Variants in SLC15A5 observed in about 807,000 individuals in gnomAD.
SLC15A5 encodes Peptide/histidine transporter ENSP00000340402.
A neutral mutation model predicts 56.1 loss-of-function variants in SLC15A5; 58 were observed. That is an observed-to-expected ratio of 1.03 (90% CI 0.84 to 1.29). SLC15A5 has a LOEUF of 1.29. SLC15A5 is among the 50% of genes most tolerant of loss of function. SLC15A5 has a pLI of 0.00. For missense variants in SLC15A5, 681 were observed against 672.1 expected (o/e 1.01, Z -0.15); for synonymous variants, 264 against 250.5 (o/e 1.05, Z -0.51).
rs533701143 is a variant in SLC15A5 at position 16,248,860 on chromosome 12, T to C, written c.755-4060A>G. On this transcript the variant is annotated intron_variant, in intron 3 of 8. Coordinates refer to ENST00000344941, the MANE Select transcript of SLC15A5 (RefSeq NM_001170798.1). ...CTGAAATGAAAAATTCAACTGAGAC[T>C]TCAAGCTCTGGTTTAAATGTGCATG... Among the ~76,000 whole-genome samples, 7 of 152,230 alleles carry C rather than the reference T, an allele frequency of 4.6e-5. No homozygotes were observed. The South Asian group carries it at 1.4e-3, about 32-fold the overall frequency.
At chr12:16,246,913 G>GT (rs1217829452) in intron 3 of SLC15A5, among the ~76,000 whole-genome samples, 5 of 151,962 alleles carry the variant, frequency 3.3e-5, no homozygotes, top group South Asian at 2.1e-4. Flanking sequence ...TTAAAAATGA[G>GT]TTTTTAAAAA....
chr12:16,210,766 C>A (rs577093499), intron 7 of SLC15A5, among the ~76,000 whole-genome samples: 1 of 152,182 alleles, frequency 6.6e-6, no homozygotes, highest in Non-Finnish European at 1.5e-5. Flanking sequence ...TTCTACCTCT[C>A]GTGAGCCAAT....
chr12:16,250,944 A>C (rs1483674291), intron 3 of SLC15A5, among the ~76,000 whole-genome samples: 1 of 152,030 alleles, frequency 6.6e-6, no homozygotes, highest in East Asian at 1.9e-4. Context: ...GCATAAAAAA[A>C]TAACACAAGA....
intron 7 of SLC15A5, 37 bp downstream of exon 7, chr12:16,216,856 C>G (rs542424949): frequency 1.6e-5 from 24 of 1,509,754 alleles, no homozygotes; most frequent in Non-Finnish European, 2.1e-5. Context: ...TAGTCATCAA[C>G]TCAATGTATA....
At chr12:16,257,583 T>A (rs1864589335) in intron 3 of SLC15A5, 118 bp downstream of exon 3, 1 of 793,226 alleles carries the variant, frequency 1.3e-6, no homozygotes, top group Non-Finnish European at 1.8e-6. Context: ...AAGGGTAATA[T>A]CTGACACAAT....
chr12:16,240,308 A>G (rs1458946743), intron 4 of SLC15A5, among the ~76,000 whole-genome samples: 1 of 152,202 alleles, frequency 6.6e-6, no homozygotes, highest in African/African-American at 2.4e-5. Flanking sequence ...TTCTTTAAAA[A>G]GCATCTAGTT....
intron 3 of SLC15A5, among the ~76,000 whole-genome samples, chr12:16,251,416 T>A (rs968813906): frequency 6.6e-6 from 1 of 151,362 alleles, no homozygotes; most frequent in Non-Finnish European, 1.5e-5. Flanking sequence ...TTGGAAAGAT[T>A]AAAAAAATTA....
intron 8 of SLC15A5, among the ~76,000 whole-genome samples, chr12:16,193,792 A>G (rs1014333986): frequency 7.9e-5 from 2 of 25,160 alleles, no homozygotes; most frequent in Admixed American, 3.1e-4. Context: ...AGAGAGAGAG[A>G]GAGAGAGAGA....
intron 7 of SLC15A5, among the ~76,000 whole-genome samples, chr12:16,200,426 C>G (rs10772903): frequency 0.53 from 79,628 of 151,560 alleles, 21,333 homozygotes; most frequent in South Asian, 0.73. Context: ...ATGATATATA[C>G]GTAATTCTTA....
rs558063672 is a variant in SLC15A5 at position 16,196,832 on chromosome 12, A to G, written c.1484-2379T>C. On this transcript the variant is annotated intron_variant, in intron 7 of 8. Coordinates refer to ENST00000344941, the MANE Select transcript of SLC15A5 (RefSeq NM_001170798.1). The surrounding 1 kb of genome is among the most constrained non-coding windows in gnomAD (Gnocchi z 4.0). ...ATTCACTAAGATCTTTAAAGGTAAA[A>G]CATAATATTTTAAAGAAATTGTTTC... is the stretch of plus-strand genomic sequence containing the variant. Among the ~76,000 whole-genome samples the G allele has an allele frequency of 1.7e-3, 259 of 152,220 alleles. 1 individual carries two copies. The highest frequency in any genetic ancestry group is 3.4e-3 in the Middle Eastern group (1 of 294).
chr12:16,247,248 A>G (rs1864470980), intron 3 of SLC15A5, among the ~76,000 whole-genome samples: 1 of 152,200 alleles, frequency 6.6e-6, no homozygotes, highest in South Asian at 2.1e-4. Context: ...TAGTGATATG[A>G]AGCAACAAAA....
intron 4 of SLC15A5, among the ~76,000 whole-genome samples, chr12:16,240,418 C>T (rs1362730815): frequency 6.6e-6 from 1 of 151,770 alleles, no homozygotes; most frequent in East Asian, 1.9e-4. Flanking sequence ...TTTAGAGAGG[C>T]TTTGTTTCCA....
rs1458280338 is a variant in SLC15A5, at chr12:16,275,132, T to TCC, written c.361+2192_361+2193insGG. Among the ~76,000 whole-genome samples the TCC allele has an allele frequency of 3.0e-4, 46 of 152,138 alleles. 1 individual carries two copies. Among genetic ancestry groups the TCC allele is most frequent in the African/African-American group, 9.9e-4 (41 of 41,534 alleles). ...TTATAAAGTGATGGATGCAATCGTA[T>TCC]AAGTATTATATGGGTGTGGTTGAAC... On this transcript the variant is annotated intron_variant, in intron 1 of 8. Coordinates refer to ENST00000344941, the MANE Select transcript of SLC15A5 (RefSeq NM_001170798.1).
At chr12:16,241,235 G>A (rs1343749247) in intron 4 of SLC15A5, among the ~76,000 whole-genome samples, 2 of 152,110 alleles carry the variant, frequency 1.3e-5, no homozygotes, top group Non-Finnish European at 1.5e-5. Context: ...AACTCGTATG[G>A]TACAAGAGCT....
chr12:16,230,351 A>G (rs1864283839), intron 5 of SLC15A5, among the ~76,000 whole-genome samples: 1 of 152,134 alleles, frequency 6.6e-6, no homozygotes, highest in South Asian at 2.1e-4. Context: ...TAAACAAAAG[A>G]TAGAGTCTAC....
intron 3 of SLC15A5, among the ~76,000 whole-genome samples, chr12:16,253,067 G>A (rs1430687860): frequency 1.3e-5 from 2 of 152,030 alleles, no homozygotes; most frequent in East Asian, 1.9e-4. Context: ...CAAATAGGGC[G>A]GGGTAAATCG....
chr12:16,195,740 G>A (rs1863888873), intron 7 of SLC15A5, among the ~76,000 whole-genome samples: 1 of 152,064 alleles, frequency 6.6e-6, no homozygotes, highest in Non-Finnish European at 1.5e-5. Context: ...CCTCTCCCTT[G>A]ACAATGCATA....
intron 5 of SLC15A5, among the ~76,000 whole-genome samples, chr12:16,227,757 A>G (rs1222717631): frequency 3.3e-5 from 5 of 152,216 alleles, no homozygotes; most frequent in African/African-American, 4.8e-5. Flanking sequence ...ATCATTGAAG[A>G]TTTTAGACAC....
chr12:16,257,815 T>G lies in SLC15A5; in HGVS notation c.640A>C (p.Ile214Leu). 1 of 1,524,938 alleles carries G rather than the reference T, an allele frequency of 6.6e-7. No individual in the cohort carries two copies. Among genetic ancestry groups the G allele is most frequent in the Non-Finnish European group, 8.8e-7 (1 of 1,142,638 alleles). The allele number at this position is 1,524,938 out of a possible 1,614,324, so 94.5% of individuals were successfully genotyped here. Residue 214 changes from isoleucine to leucine, a missense_variant, in exon 3 of 9, where the codon ATC (isoleucine) becomes CTC (leucine). Physicochemically the swap from Ile to Leu is conservative, Grantham distance 5. Transcript: ENST00000344941. ...AGGGCCCAGGCCTGTGAGTGCTGGA[T>G]GTAAGATATTCCCAGAAACACAATA... ...ATIVFLGISY[I>L]QHSQAWALVL... is the part of the protein sequence containing the mutation.
Sources: gnomAD v4.1 joint callset for allele counts (sites outside exome capture counted in the v4.1 genomes callset) on GRCh38, gnomAD v4.1.1 for gene constraint, Gnocchi (gnomAD v3.1) non-coding constraint, MANE v1.5 for transcripts, NCBI Gene and HGNC (gene_info 2026-07-23, HGNC 2026-07-21) for gene names.